The following PAH variants were observed in gnomAD, a reference collection of about 807,000 sequenced individuals.
The protein encoded by PAH is phenylalanine-4-hydroxylase.
PAH carries 64 observed loss-of-function variants against 62.0 expected under a neutral mutation model. The observed-to-expected ratio is 1.03, with a 90% CI of 0.84 to 1.27. The LOEUF is 1.27. Among genes scored for constraint, PAH ranks in the 50% most tolerant of loss-of-function variants. The pLI is 0.00. For synonymous variants in PAH, 195 were observed against 196.2 expected, an observed-to-expected ratio of 0.99 and a Z score of 0.05; for missense variants, 579 against 542.8, an observed-to-expected ratio of 1.07 and a Z score of -0.66.
At chr12:102,869,259 A>G (rs1050902646) in intron 4 of PAH, among the ~76,000 whole-genome samples, 3 of 152,216 alleles carry the variant, frequency 2.0e-5, no homozygotes, top group Non-Finnish European at 4.4e-5. Flanking sequence ...TTGTGAAAAT[A>G]AAAGCTAATG....
In PAH at chr12:102,913,918, C is replaced by T. The variant is rs144692881; in HGVS notation, c.61-1020G>A. ...AAATTCTATGTGTGTCCACAATAAG[C>T]AGCAGGTACCTAAAACTGGGAAGAA... is the stretch of plus-strand genomic sequence containing the variant. On this transcript the variant is annotated intron_variant, in intron 1 of 12. Coordinates refer to ENST00000553106, the MANE Select transcript of PAH (RefSeq NM_000277.3). 1,001 of 687,702 alleles carry T rather than the reference C, an allele frequency of 1.5e-3. 6 individuals carry two copies. The African/African-American group carries it at 0.016, about 11-fold the overall frequency. 42.6% of individuals were successfully genotyped at this position (687,702 alleles called of 1,614,324 possible).
chr12:102,924,631 C>T (rs1565877480), intron 1 of PAH, among the ~76,000 whole-genome samples: 1 of 152,142 alleles, frequency 6.6e-6, no homozygotes, highest in African/African-American at 2.4e-5. Flanking sequence ...TTCAACCTCT[C>T]ACCAGAAGAA....
At chr12:102,876,073 T>A (rs1876553759) in intron 4 of PAH, among the ~76,000 whole-genome samples, 1 of 152,068 alleles carries the variant, frequency 6.6e-6, no homozygotes, top group Admixed American at 6.6e-5. Flanking sequence ...TCTGGGAGAT[T>A]GGAGGAAATT....
chr12:102,913,912 A>T, intron 1 of PAH: 1 of 696,020 alleles, frequency 1.4e-6, no homozygotes, highest in Non-Finnish European at 2.6e-6. Flanking sequence ...GTGTGTCCAC[A>T]ATAAGCAGCA....
chr12:102,851,163 G>A (rs990485051), intron 8 of PAH, among the ~76,000 whole-genome samples: 2 of 151,806 alleles, frequency 1.3e-5, no homozygotes, highest in Non-Finnish European at 2.9e-5. Context: ...AAAGATGAAT[G>A]AAATTCTAGG....
intron 1 of PAH, among the ~76,000 whole-genome samples, chr12:102,944,140 T>C (rs150013094): frequency 6.2e-4 from 95 of 152,352 alleles, no homozygotes; most frequent in African/African-American, 2.2e-3. Flanking sequence ...GTCAGATGTA[T>C]TGGAGATCCG....
intron 4 of PAH, among the ~76,000 whole-genome samples, chr12:102,868,766 G>T (rs1876172880): frequency 6.6e-6 from 1 of 152,062 alleles, no homozygotes; most frequent in Non-Finnish European, 1.5e-5. Context: ...ACATTTATTT[G>T]TCCATATCTC....
In PAH at chr12:102,957,975, C is replaced by T. The variant is rs1247512814; in HGVS notation, c.-96+220G>A. 6.3e-6 allele frequency: 2 copies of T among 319,244 alleles called. No individual in the cohort carries two copies. The highest frequency in any genetic ancestry group is 1.1e-5 in the Non-Finnish European group (2 of 176,232). The allele number at this position is 319,244 out of a possible 1,614,324, so 19.8% of individuals were successfully genotyped here. ...ACACGCGAGCGCCACGCGAGGCTCC[C>T]GAAGCCAACCCGCGAAGGGAGGAGG... On this transcript the variant is annotated intron_variant, in intron 1 of 4. Coordinates refer to the PAH transcript ENST00000551337. This position sits in a 1 kb window ranked among gnomAD's most constrained non-coding sequence, Gnocchi z 4.1.
intron 3 of PAH, among the ~76,000 whole-genome samples, chr12:102,877,858 C>T (rs1876640129): frequency 6.6e-6 from 1 of 152,116 alleles, no homozygotes; most frequent in African/African-American, 2.4e-5. Flanking sequence ...TTTTTCCCTT[C>T]TGTCACCCAG....
At chr12:102,872,924 C>T (rs1876409548) in intron 4 of PAH, among the ~76,000 whole-genome samples, 1 of 152,180 alleles carries the variant, frequency 6.6e-6, no homozygotes, top group Non-Finnish European at 1.5e-5. Context: ...GCTGAGATTG[C>T]ACCATTGTAC....
At chr12:102,883,960 T>C (rs1309200928) in intron 3 of PAH, among the ~76,000 whole-genome samples, 13 of 152,194 alleles carry the variant, frequency 8.5e-5, no homozygotes, top group Admixed American at 8.5e-4. Flanking sequence ...AATGAACTCA[T>C]GTATGAAGAG....
At position 102,894,932 on chromosome 12, in the gene PAH, TGG is replaced by T. The variant is rs1204033516; in HGVS notation, c.169-16_169-15del. ...TACATCATTCTCCTAGAAGAGAGAA[TGG>T]GGAGGGTGAGGAGACAGTCACTGGA... is the stretch of plus-strand genomic sequence containing the variant. On this transcript the variant is annotated splice_polypyrimidine_tract_variant and intron_variant, in intron 2 of 12. Coordinates refer to ENST00000553106, the MANE Select transcript of PAH (RefSeq NM_000277.3). The T allele has an allele frequency of 1.2e-6, 2 of 1,606,450 alleles. No homozygotes were observed. Among genetic ancestry groups the T allele is most frequent in the African/African-American group, 2.7e-5 (2 of 74,792 alleles).
intron 5 of PAH, among the ~76,000 whole-genome samples, chr12:102,863,639 T>C (rs1875827616): frequency 6.6e-6 from 1 of 152,148 alleles, no homozygotes; most frequent in Non-Finnish European, 1.5e-5. Flanking sequence ...CTAGAGGTGC[T>C]AGATTCCCTC....
At chr12:102,868,243 T>C (rs916775905) in intron 4 of PAH, among the ~76,000 whole-genome samples, 2 of 146,678 alleles carry the variant, frequency 1.4e-5, no homozygotes, top group African/African-American at 5.0e-5. Context: ...CAGAGGGCAA[T>C]GTAATATAAT....
At chr12:102,936,524 T>G (rs73393602) in intron 1 of PAH, among the ~76,000 whole-genome samples, 1 of 152,180 alleles carries the variant, frequency 6.6e-6, no homozygotes, top group Admixed American at 6.5e-5. Flanking sequence ...CCTCTTTCTT[T>G]AGCTCTAATA....
rs776906816 is a variant in PAH, at chr12:102,839,231, A to C, written c.1316-13T>G. On this transcript the variant is annotated splice_polypyrimidine_tract_variant and intron_variant, in intron 12 of 12. Coordinates refer to ENST00000553106, the MANE Select transcript of PAH (RefSeq NM_000277.3). ...ATTCCAATTTCACCTACAAAGAAAAACACCATCAAAATGGGCCACTTGTAT... is the reference window on the plus strand; with the variant it reads ...ATTCCAATTTCACCTACAAAGAAAACCACCATCAAAATGGGCCACTTGTAT... The C allele has an allele frequency of 6.2e-7, 1 of 1,613,566 alleles. No individual in the cohort carries two copies. The highest frequency in any genetic ancestry group is 1.1e-5 in the South Asian group (1 of 91,072).
intron 5 of PAH, among the ~76,000 whole-genome samples, chr12:102,857,859 A>G (rs926795421): frequency 3.3e-5 from 5 of 152,216 alleles, no homozygotes; most frequent in Non-Finnish European, 5.9e-5. Context: ...GGTACCAGCC[A>G]CTGCAAAAAC....
exon 1 of PAH, chr12:102,950,671 T>G (rs1879714211): frequency 6.6e-6 from 1 of 152,160 alleles, no homozygotes; most frequent in Admixed American, 6.5e-5. Context: ...GCGCCTGCAT[T>G]CCTCGCCCCA....
At chr12:102,852,793 G>A in intron 7 of PAH, 22 bp downstream of exon 7, 6 of 1,613,930 alleles carry the variant, frequency 3.7e-6, no homozygotes, top group Non-Finnish European at 5.1e-6. Flanking sequence ...CTGGCAACTG[G>A]TAGCTGGAGG....
Sources: gnomAD v4.1 joint callset for allele counts (sites outside exome capture counted in the v4.1 genomes callset) on GRCh38, gnomAD v4.1.1 for gene constraint, Gnocchi (gnomAD v3.1) non-coding constraint, MANE v1.5 for transcripts, NCBI Gene and HGNC (gene_info 2026-07-23, HGNC 2026-07-21) for gene names.